The following ADAMTS2 variants were observed in gnomAD, a reference collection of about 807,000 sequenced individuals.
ADAMTS2 encodes the protein ADAM metallopeptidase with thrombospondin type 1 motif 2.
A neutral mutation model predicts 123.0 loss-of-function variants in ADAMTS2; 50 were observed. The observed-to-expected ratio is 0.41, with a 90% confidence interval of 0.32 to 0.51. The LOEUF (loss-of-function observed/expected upper bound fraction) is 0.51, where lower values mean the gene tolerates loss of function less well. ADAMTS2 is among the 20% of genes least tolerant of loss of function. The pLI is 0.35. For missense variants in ADAMTS2, 1,494 were observed against 1,705.2 expected (o/e 0.88, Z 2.18); for synonymous variants, 678 against 695.4 (o/e 0.98, Z 0.39).
chr5:179,315,937 G>A (rs1756977939), intron 2 of ADAMTS2, among the ~76,000 whole-genome samples: 3 of 152,196 alleles, frequency 2.0e-5, no homozygotes, highest in African/African-American at 7.2e-5. Flanking sequence ...GGAGGTGAGA[G>A]AAGGAATATT....
chr5:179,127,211 G>A (rs1762875752), intron 17 of ADAMTS2, among the ~76,000 whole-genome samples: 1 of 152,160 alleles, frequency 6.6e-6, no homozygotes, highest in African/African-American at 2.4e-5. Flanking sequence ...CACAGGCCCA[G>A]GAGATTTCAG....
At chr5:179,252,720 GAAAT>G (rs2113471685) in intron 3 of ADAMTS2, among the ~76,000 whole-genome samples, 1 of 152,218 alleles carries the variant, frequency 6.6e-6, no homozygotes, top group African/African-American at 2.4e-5. Context: ...TTGAGAAAAA[GAAAT>G]AACCTCTACT....
Position 179,272,773 on chromosome 5 carries a change from C to T in ADAMTS2, c.688+138G>A, listed in dbSNP as rs1561666968. On this transcript the variant is annotated intron_variant, in intron 3 of 21. Transcript: ENST00000251582. The surrounding 1 kb of genome is among the most constrained non-coding windows in gnomAD (Gnocchi z 5.8). ...CGTCAGCCAGGCAGCTGGCCCATTTCTGAGCCACTGAGACCGGGGCTCAGC... is the reference window on the plus strand; with the variant it reads ...CGTCAGCCAGGCAGCTGGCCCATTTTTGAGCCACTGAGACCGGGGCTCAGC... 1.0e-5 allele frequency: 12 copies of T among 1,152,258 alleles called. No homozygotes were observed. The highest frequency in any genetic ancestry group is 1.4e-5 in the Non-Finnish European group (12 of 829,394). 71.4% of individuals were successfully genotyped at this position (1,152,258 alleles called of 1,614,324 possible).
In ADAMTS2 at chr5:179,336,476, A is replaced by T. The variant is rs534777745; in HGVS notation, c.534+7291T>A. Among the ~76,000 whole-genome samples, 3 of 152,326 alleles carry T rather than the reference A, an allele frequency of 2.0e-5. No individual in the cohort carries two copies. The East Asian group carries it at 5.8e-4, about 29-fold the overall frequency. The stretch of plus-strand genomic sequence containing the variant: ...AAATGGCCCACCCATTAGGCTGCAG[A>T]CAGCATCAGAGAAACCAAGCACTGT... On this transcript the variant is annotated intron_variant, in intron 2 of 21. Coordinates refer to ENST00000251582, the MANE Select transcript of ADAMTS2 (RefSeq NM_014244.5).
intron 2 of ADAMTS2, among the ~76,000 whole-genome samples, chr5:179,275,767 C>A (rs1766678643): frequency 6.6e-6 from 1 of 152,234 alleles, no homozygotes; most frequent in Admixed American, 6.5e-5. Flanking sequence ...TCAGGTTATA[C>A]CGACTTCGGA....
At chr5:179,143,449 A>G (rs181590050) in intron 10 of ADAMTS2, among the ~76,000 whole-genome samples, 25 of 151,154 alleles carry the variant, frequency 1.7e-4, no homozygotes, top group Middle Eastern at 3.4e-3. Context: ...AAAAAAAAAG[A>G]AGAACTAAAT....
intron 2 of ADAMTS2, among the ~76,000 whole-genome samples, chr5:179,336,970 G>A (rs1757629830): frequency 6.6e-6 from 1 of 152,212 alleles, no homozygotes; most frequent in South Asian, 2.1e-4. Flanking sequence ...CTGTGCCTCT[G>A]AGCGGAAGCT....
intron 4 of ADAMTS2, among the ~76,000 whole-genome samples, chr5:179,182,107 C>T (rs994527489): frequency 1.3e-5 from 2 of 152,214 alleles, no homozygotes; most frequent in African/African-American, 4.8e-5. Context: ...TGGAAGGCCC[C>T]CCGCAGGCCT....
At chr5:179,311,991 G>A (rs1756846600) in intron 2 of ADAMTS2, among the ~76,000 whole-genome samples, 1 of 152,202 alleles carries the variant, frequency 6.6e-6, no homozygotes, top group Admixed American at 6.5e-5. Context: ...GGAGGAGGGA[G>A]AAGGGGCATG....
intron 4 of ADAMTS2, among the ~76,000 whole-genome samples, chr5:179,204,586 C>G (rs1764635055): frequency 6.6e-6 from 1 of 152,204 alleles, no homozygotes; most frequent in Non-Finnish European, 1.5e-5. Flanking sequence ...TGCTCAATGC[C>G]CCTCCTCCCC....
intron 2 of ADAMTS2, among the ~76,000 whole-genome samples, chr5:179,302,719 T>C (rs1320252618): frequency 6.7e-6 from 1 of 148,184 alleles, no homozygotes; most frequent in Non-Finnish European, 1.5e-5. Flanking sequence ...GCACAGAGTA[T>C]TGTTGAGGGG....
At position 179,345,227 on chromosome 5, in the gene ADAMTS2, GGGC is replaced by G. The variant is rs770212030; in HGVS notation, c.99_101del (p.Pro34del). On this transcript the variant is annotated inframe_deletion, in exon 1 of 22. Coordinates refer to ENST00000251582, the MANE Select transcript of ADAMTS2 (RefSeq NM_014244.5). The surrounding 1 kb of genome is among the most constrained non-coding windows in gnomAD (Gnocchi z 7.5). Reference sequence around the variant, plus strand: ...CGGCGGCGGCGAGCCTGGCGTTCGCGGGCGGCGGCGGCGGCGGCAGGAGCGGCG... The same window carrying G: ...CGGCGGCGGCGAGCCTGGCGTTCGCGGGCGGCGGCGGCGGCAGGAGCGGCG... 393 of 1,107,268 alleles carry G rather than the reference GGGC, an allele frequency of 3.5e-4. No individual in the cohort carries two copies. The highest frequency in any genetic ancestry group is 2.3e-3 in the Middle Eastern group (6 of 2,642). 68.6% of individuals were successfully genotyped at this position (1,107,268 alleles called of 1,614,324 possible).
At position 179,262,041 on chromosome 5, in the gene ADAMTS2, G is replaced by A. The variant is rs12652571; in HGVS notation, c.688+10870C>T. 4.6e-5 allele frequency among the ~76,000 whole-genome samples: 7 copies of A among 152,290 alleles called. No individual in the cohort carries two copies. Among genetic ancestry groups the A allele is most frequent in the Non-Finnish European group, 8.8e-5 (6 of 68,014 alleles). On this transcript the variant is annotated intron_variant, in intron 3 of 21. Transcript: ENST00000251582. This position sits in a 1 kb window ranked among gnomAD's most constrained non-coding sequence, Gnocchi z 5.9. The stretch of plus-strand genomic sequence containing the variant: ...CGCCCCGTGAGTCTGGGAACACATG[G>A]GTCTTGGCCTTGGCACCTTCTTTCC...
At chr5:179,339,095 T>C (rs1427437764) in intron 2 of ADAMTS2, among the ~76,000 whole-genome samples, 1 of 152,218 alleles carries the variant, frequency 6.6e-6, no homozygotes, top group Non-Finnish European at 1.5e-5. Context: ...TTCACCACCC[T>C]GCACAATTCT....
Position 179,209,787 on chromosome 5 carries a change from G to A in ADAMTS2, c.689-2072C>T, listed in dbSNP as rs147869043. On this transcript the variant is annotated intron_variant, in intron 3 of 21. Transcript: ENST00000251582. ...AGCCTGACAGGGGGGTTGAGGAATC[G>A]CCACTCTATTTTTGTACATTTATTT... 2.3e-4 allele frequency among the ~76,000 whole-genome samples: 35 copies of A among 152,292 alleles called. 1 individual carries two copies. The highest frequency in any genetic ancestry group is 8.2e-4 in the African/African-American group (34 of 41,562).
chr5:179,130,180 T>C lies in ADAMTS2; in HGVS notation c.2291-82A>G, dbSNP rs944398404. ...CCACTGGTTTGGGCTGGTCGGGGAG[T>C]GGGGGCAGCTAGCTGGACCCCTTGT... On this transcript the variant is annotated intron_variant, in intron 15 of 21. Coordinates refer to ENST00000251582, the MANE Select transcript of ADAMTS2 (RefSeq NM_014244.5). The surrounding 1 kb of genome is among the most constrained non-coding windows in gnomAD (Gnocchi z 4.3). 101 of 1,563,664 alleles carry C rather than the reference T, an allele frequency of 6.5e-5. No individual in the cohort carries two copies. The highest frequency in any genetic ancestry group is 8.5e-5 in the Non-Finnish European group (97 of 1,140,226).
chr5:179,331,961 A>C (rs1757496073), intron 2 of ADAMTS2, among the ~76,000 whole-genome samples: 1 of 152,230 alleles, frequency 6.6e-6, no homozygotes, highest in East Asian at 1.9e-4. Flanking sequence ...AGTCCCACAC[A>C]GCAGCCCCAC....
chr5:179,152,152 G>A lies in ADAMTS2; in HGVS notation c.1619C>T (p.Ala540Val), dbSNP rs537065167. Residue 540 changes from alanine (A) to valine (V), a missense_variant, in exon 10 of 22, where the codon GCA becomes GTA. Around this residue, in one of 6 missense-constraint regions of ADAMTS2, gnomAD observed 953 missense variants for 1,124.7 expected, o/e 0.85. Transcript: ENST00000251582. ...TTGATGCTGCCTCACCTTGCCAGGT[G>A]CACACATAGTCCCGTCCAAGGGGGG... ...KGPPLDGTMC[A>V]PGKHCFKGHC... The A allele has an allele frequency of 5.6e-6, 9 of 1,613,626 alleles. No homozygotes were observed. In the South Asian group the frequency reaches 6.6e-5, roughly 12 times the overall value.
chr5:179,231,067 C>T (rs1415346131), intron 3 of ADAMTS2, among the ~76,000 whole-genome samples: 2 of 151,994 alleles, frequency 1.3e-5, no homozygotes, highest in African/African-American at 2.4e-5. Context: ...GCCTGTATTG[C>T]ACATCCACAT....
Sources: gnomAD v4.1 joint callset for allele counts (sites outside exome capture counted in the v4.1 genomes callset) on GRCh38, gnomAD v4.1.1 for gene constraint, gnomAD v4.1.1 regional missense constraint, Gnocchi (gnomAD v3.1) non-coding constraint, MANE v1.5 for transcripts, NCBI Gene and HGNC (gene_info 2026-07-23, HGNC 2026-07-21) for gene names.